The following ASPSCR1 variants were observed in gnomAD, a reference collection of about 807,000 sequenced individuals.
ASPSCR1 encodes the protein tether containing UBX domain for GLUT4.
A neutral mutation model predicts 68.9 loss-of-function variants in ASPSCR1; 55 were observed. That is an observed-to-expected ratio of 0.80 (90% confidence interval 0.64 to 1.00). ASPSCR1 has a LOEUF of 1.00. Ranked by LOEUF, ASPSCR1 falls within the 50% of genes least tolerant of loss-of-function variation. The pLI, the probability that ASPSCR1 is intolerant of heterozygous loss-of-function variation, is 0.00. For synonymous variants in ASPSCR1, 352 were observed against 332.6 expected, an observed-to-expected ratio of 1.06 and a Z score of -0.63; for missense variants, 765 against 762.2, an observed-to-expected ratio of 1.00 and a Z score of -0.04.
chr17:82,012,413 C>T, intron 12 of ASPSCR1, 130 bp downstream of exon 12: 1 of 1,111,122 alleles, frequency 9.0e-7, no homozygotes, highest in Non-Finnish European at 1.3e-6. Context: ...CCTTTGAGAG[C>T]CGGTGGGTTC....
rs1010962678 is a variant in ASPSCR1 at position 82,016,708 on chromosome 17, C to G, written c.1406-92C>G. The G allele has an allele frequency of 2.0e-6, 3 of 1,491,276 alleles. No homozygotes were observed. In the South Asian group the frequency reaches 3.6e-5, roughly 18 times the overall value. 92.4% of individuals were successfully genotyped at this position (1,491,276 alleles called of 1,614,324 possible). On this transcript the variant is annotated intron_variant, in intron 13 of 15. Coordinates refer to ENST00000306739, the MANE Select transcript of ASPSCR1 (RefSeq NM_024083.4). ...GGACAGCCACCTGCTGGCCACCCCC[C>G]TCCCAGAGCTGAGTGCTGGTGGGCA...
At chr17:82,001,892 C>T (rs903241444) in intron 7 of ASPSCR1, among the ~76,000 whole-genome samples, 4 of 152,110 alleles carry the variant, frequency 2.6e-5, no homozygotes, top group Non-Finnish European at 5.9e-5. Flanking sequence ...CACAGTGACA[C>T]ACGCCTGCCA....
chr17:82,001,299 C>T (rs1190751700), intron 7 of ASPSCR1, among the ~76,000 whole-genome samples: 1 of 152,168 alleles, frequency 6.6e-6, no homozygotes, highest in East Asian at 1.9e-4. Flanking sequence ...GACCCTGACG[C>T]CGGGCTAGAC....
chr17:82,013,815 A>G, intron 12 of ASPSCR1: 1 of 152,660 alleles, frequency 6.6e-6, no homozygotes, highest in South Asian at 2.1e-4. Context: ...TGGGGAACAA[A>G]GCCCCCCGCC....
chr17:81,995,265 G>A (rs1453306502), intron 5 of ASPSCR1: 4 of 392,516 alleles, frequency 1.0e-5, no homozygotes, highest in Non-Finnish European at 1.8e-5. Flanking sequence ...TTCCACGCTG[G>A]CTGAGTGCCC....
rs1019621662 is a variant in ASPSCR1, at chr17:81,987,773, T to A, written c.374+2166T>A. Among the ~76,000 whole-genome samples the A allele has an allele frequency of 6.6e-6, 1 of 151,762 alleles. No individual in the cohort carries two copies. The highest frequency in any genetic ancestry group is 1.5e-5 in the Non-Finnish European group (1 of 67,942). On this transcript the variant is annotated intron_variant, in intron 4 of 15. Transcript: ENST00000306739. This position sits in a 1 kb window ranked among gnomAD's most constrained non-coding sequence, Gnocchi z 5.6. Reference sequence around the variant, plus strand: ...TGGCTGTGGGGGTGGGTTTGGGCGCTTTGGAGGAGGTTGCAGTGAGCCGAG... The same window carrying A: ...TGGCTGTGGGGGTGGGTTTGGGCGCATTGGAGGAGGTTGCAGTGAGCCGAG...
At chr17:82,001,351 C>A (rs1290540165) in intron 7 of ASPSCR1, among the ~76,000 whole-genome samples, 1 of 152,190 alleles carries the variant, frequency 6.6e-6, no homozygotes, top group African/African-American at 2.4e-5. Flanking sequence ...CCCATCCCTG[C>A]GGCCAGCACA....
chr17:81,991,894 C>T (rs1364843118), intron 4 of ASPSCR1, among the ~76,000 whole-genome samples: 1 of 152,266 alleles, frequency 6.6e-6, no homozygotes, highest in Non-Finnish European at 1.5e-5. Context: ...AGACTCACTG[C>T]CTTGTCCCCA....
intron 4 of ASPSCR1, 37 bp downstream of exon 4, chr17:81,985,644 G>A (rs2041972407): frequency 6.3e-7 from 1 of 1,582,152 alleles, no homozygotes; most frequent in Non-Finnish European, 8.7e-7. Context: ...TCCCTACCCT[G>A]TTTGCTGGGG....
At chr17:81,998,703 C>CT (rs1241027382) in intron 7 of ASPSCR1, among the ~76,000 whole-genome samples, 1 of 152,226 alleles carries the variant, frequency 6.6e-6, no homozygotes, top group Non-Finnish European at 1.5e-5. Context: ...GTGAGACAGA[C>CT]TTTTTTTCCT....
rs1163018877 is a variant in ASPSCR1 at position 82,016,488 on chromosome 17, CCGGCCG to C, written c.1368_1373del (p.Ala457_Ala458del). ...GCCCTCCCTGCAGGCGAACCTCTTC[CCGGCCG>C]CTCTGGTGCACTTGGGAGCCGAGGA... On this transcript the variant is annotated inframe_deletion, in exon 13 of 16. Coordinates refer to ENST00000306739, the MANE Select transcript of ASPSCR1 (RefSeq NM_024083.4). The C allele has an allele frequency of 3.9e-6, 6 of 1,548,710 alleles. No individual in the cohort carries two copies. The highest frequency in any genetic ancestry group is 1.7e-6 in the Non-Finnish European group (2 of 1,147,132).
At chr17:82,004,537 A>T (rs897552922) in intron 7 of ASPSCR1, 1 of 152,346 alleles carries the variant, frequency 6.6e-6, no homozygotes, top group African/African-American at 2.4e-5. Context: ...CCACCCTCGG[A>T]GCCTGAGAGG....
intron 5 of ASPSCR1, chr17:81,995,611 A>T (rs1183090207): frequency 2.4e-6 from 1 of 417,548 alleles, no homozygotes. Flanking sequence ...CGAGCTGAGC[A>T]CCAGGAATGG....
chr17:82,009,607 T>C lies in ASPSCR1; in HGVS notation c.1170+40T>C. On this transcript the variant is annotated intron_variant, in intron 9 of 15. Coordinates refer to ENST00000306739, the MANE Select transcript of ASPSCR1 (RefSeq NM_024083.4). ...TGTGGGGGCGACTGAGGCACAGCTC[T>C]GAGGGGGCCCCCCGTGAGGTCTGTG... is the stretch of plus-strand genomic sequence containing the variant. 1.3e-6 allele frequency: 2 copies of C among 1,545,850 alleles called. 1 individual carries two copies. The highest frequency in any genetic ancestry group is 1.7e-6 in the Non-Finnish European group (2 of 1,143,782).
chr17:81,983,550 G>T lies in ASPSCR1; in HGVS notation c.159-4G>T. 6.2e-7 allele frequency: 1 copy of T among 1,607,698 alleles called. No homozygotes were observed. Among genetic ancestry groups the T allele is most frequent in the Non-Finnish European group, 8.5e-7 (1 of 1,176,080 alleles). The stretch of plus-strand genomic sequence containing the variant: ...CAGCAAGTGTGCTCTGGTCTGTCTT[G>T]CAGGTTTCAGAGGAGCGTGCTCGAC... On this transcript the variant is annotated splice_region_variant and splice_polypyrimidine_tract_variant and intron_variant, in intron 2 of 15. Coordinates refer to ENST00000306739, the MANE Select transcript of ASPSCR1 (RefSeq NM_024083.4). This position sits in a 1 kb window ranked among gnomAD's most constrained non-coding sequence, Gnocchi z 4.4.
At chr17:81,998,711 C>T (rs1261229064) in intron 7 of ASPSCR1, among the ~76,000 whole-genome samples, 1 of 151,958 alleles carries the variant, frequency 6.6e-6, no homozygotes, top group Non-Finnish European at 1.5e-5. Flanking sequence ...GACTTTTTTT[C>T]CTTGCTCTGT....
Position 82,009,636 on chromosome 17 carries a change from G to A in ASPSCR1, c.1170+69G>A, listed in dbSNP as rs548343693. The A allele has an allele frequency of 1.6e-4, 197 of 1,269,078 alleles. 1 individual carries two copies. The South Asian group carries it at 2.5e-3, about 16-fold the overall frequency. The allele number at this position is 1,269,078 out of a possible 1,614,324, so 78.6% of individuals were successfully genotyped here. ...GGGGCCCCCCGTGAGGTCTGTGGACGGGATGGGGCGACTGAGGCACAGCTC... is the reference window on the plus strand; with the variant it reads ...GGGGCCCCCCGTGAGGTCTGTGGACAGGATGGGGCGACTGAGGCACAGCTC... On this transcript the variant is annotated intron_variant, in intron 9 of 15. Coordinates refer to ENST00000306739, the MANE Select transcript of ASPSCR1 (RefSeq NM_024083.4).
chr17:81,989,869 C>T (rs2042105763), intron 4 of ASPSCR1, among the ~76,000 whole-genome samples: 1 of 152,218 alleles, frequency 6.6e-6, no homozygotes, highest in African/African-American at 2.4e-5. Flanking sequence ...CTCACTGCAA[C>T]CTCCGCCTCC....
At chr17:81,996,368 A>G (rs2144043686) in intron 6 of ASPSCR1, 52 bp from the exon 7 acceptor site, 2 of 1,527,984 alleles carry the variant, frequency 1.3e-6, no homozygotes, top group Non-Finnish European at 8.8e-7. Flanking sequence ...GGAGAGGGTG[A>G]GCCGGGGGTA....
Sources: allele counts gnomAD v4.1 joint callset (sites outside exome capture counted in the v4.1 genomes callset), GRCh38; gene constraint gnomAD v4.1.1; non-coding constraint Gnocchi (gnomAD v3.1); transcripts MANE v1.5; gene names NCBI Gene and HGNC (gene_info 2026-07-23, HGNC 2026-07-21).